ATRX: variants seen among roughly 807,000 people sequenced by gnomAD.
ATRX encodes the protein ATRX chromatin remodeler.
A neutral mutation model predicts 172.6 loss-of-function variants in ATRX; 12 were observed. The observed-to-expected ratio is 0.07, with a 90% confidence interval of 0.04 to 0.11. The LOEUF (loss-of-function observed/expected upper bound fraction) is 0.11. ATRX is among the 10% of genes least tolerant of loss of function. The pLI, the probability that ATRX is intolerant of heterozygous loss-of-function variation, is 1.00. For missense variants in ATRX, 1,368 were observed against 1,767.4 expected, an observed-to-expected ratio of 0.77 and a Z score of 4.05; for synonymous variants, 674 against 594.7, an observed-to-expected ratio of 1.13 and a Z score of -1.94.
At chrX:77,608,627 T>A (rs958446396) in intron 22 of ATRX, among the ~76,000 whole-genome samples, 1 of 111,589 alleles carries the variant, frequency 9.0e-6, no homozygotes, top group South Asian at 3.7e-4. Context: ...CCTTAAACTA[T>A]GGAATTACTA....
chrX:77,663,482 A>G lies in ATRX; in HGVS notation c.4020T>C (p.Leu1340=). 8.3e-7 allele frequency: 1 copy of G among 1,211,207 alleles called. No homozygotes were observed. The highest frequency in any genetic ancestry group is 1.1e-6 in the Non-Finnish European group (1 of 894,983). ...CACTCACAGTCAATTTGTGCCGCAA[A>G]AGCCTATGTCTGTATCTTGGCTTCT... ...ESKKPRYRHR[L]LRHKLTVSDG... The change falls in exon 12 of 35, where the codon CTT becomes CTC. Residue 1340 remains leucine (L), a synonymous_variant. Transcript: ENST00000373344.
At chrX:77,619,382 A>C (rs1259820645) in intron 20 of ATRX, among the ~76,000 whole-genome samples, 2 of 111,648 alleles carry the variant, frequency 1.8e-5, no homozygotes, top group African/African-American at 6.5e-5. Flanking sequence ...GGAGGTAATA[A>C]GCTACTAAGC....
intron 25 of ATRX, among the ~76,000 whole-genome samples, chrX:77,597,337 G>C (rs369190789): frequency 2.5e-4 from 28 of 109,805 alleles, no homozygotes; most frequent in African/African-American, 8.6e-4. Context: ...AGAAATCACC[G>C]AGTCAGAAAG....
At chrX:77,678,827 T>C (rs1334772977) in intron 9 of ATRX, among the ~76,000 whole-genome samples, 1 of 110,986 alleles carries the variant, frequency 9.0e-6, no homozygotes, top group Non-Finnish European at 1.9e-5. Context: ...TCTATGTCTG[T>C]CTTGCATTAA....
chrX:77,682,565 T>G lies in ATRX; in HGVS notation c.2691A>C (p.Lys897Asn), dbSNP rs1557139064. ...CTCTTAATTCCATGATGGTCGTGTCTTTATCAACTGTGCCTTCTGCTGAAG... is the reference window on the plus strand; with the variant it reads ...CTCTTAATTCCATGATGGTCGTGTCGTTATCAACTGTGCCTTCTGCTGAAG... ...TFSSAEGTVD[K>N]DTTIMELRDR... Residue 897 changes from lysine to asparagine, a missense_variant, in exon 9 of 35, where the codon AAA (lysine) becomes AAC (asparagine). Around this residue, in one of 17 missense-constraint regions of ATRX, gnomAD observed 843 missense variants for 643.1 expected, o/e 1.31. Transcript: ENST00000373344. 2 of 1,209,570 alleles carry G rather than the reference T, an allele frequency of 1.7e-6. No individual in the cohort carries two copies. The highest frequency in any genetic ancestry group is 2.2e-5 in the Admixed American group (1 of 45,724).
At chrX:77,750,040 A>G (rs1483129044) in intron 1 of ATRX, among the ~76,000 whole-genome samples, 2 of 111,688 alleles carry the variant, frequency 1.8e-5, no homozygotes, top group Non-Finnish European at 3.8e-5. Flanking sequence ...ATCACATCAC[A>G]TAAGCATTTT....
intron 15 of ATRX, among the ~76,000 whole-genome samples, chrX:77,648,809 A>G (rs2069058466): frequency 9.0e-6 from 1 of 111,562 alleles, no homozygotes; most frequent in Non-Finnish European, 1.9e-5. Context: ...AAATTCCTTA[A>G]GTTTGAAATT....
intron 27 of ATRX, among the ~76,000 whole-genome samples, chrX:77,583,800 T>C (rs1380071670): frequency 9.0e-6 from 1 of 111,256 alleles, no homozygotes; most frequent in Non-Finnish European, 1.9e-5. Context: ...CTAGAGTAAT[T>C]AGACAAGAAC....
chrX:77,642,879 T>C (rs2068723408), intron 15 of ATRX, among the ~76,000 whole-genome samples: 1 of 110,975 alleles, frequency 9.0e-6, no homozygotes, highest in South Asian at 3.8e-4. Context: ...CCGCCTGTAG[T>C]ACAAACAACT....
chrX:77,587,598 AGGT>A (rs1375824535), intron 27 of ATRX, among the ~76,000 whole-genome samples: 5 of 111,954 alleles, frequency 4.5e-5, no homozygotes, highest in Non-Finnish European at 9.4e-5. Context: ...ATTGTACTTG[AGGT>A]CTTAACCAGG....
chrX:77,507,152 TTTTGA>T lies in ATRX; in HGVS notation c.*1194_*1198del. The T allele has an allele frequency of 5.8e-6, 1 of 172,932 alleles. No homozygotes were observed. The highest frequency in any genetic ancestry group is 1.1e-5 in the Non-Finnish European group (1 of 90,402). 14.3% of individuals were successfully genotyped at this position (172,932 alleles called of 1,213,427 possible). A position where few individuals can be genotyped will look rare whatever the true frequency, so the allele number is the denominator to read the frequency against. ...AGTAAAGGGGTATTGGATGAATTAA[TTTTGA>T]TTTAATAATTGCCTCACAATCTAAA... On this transcript the variant is annotated 3_prime_UTR_variant, in exon 35 of 35. Coordinates refer to ENST00000373344, the MANE Select transcript of ATRX (RefSeq NM_000489.6).
At chrX:77,550,221 T>C (rs1382593826) in intron 30 of ATRX, among the ~76,000 whole-genome samples, 3 of 111,401 alleles carry the variant, frequency 2.7e-5, no homozygotes, top group Non-Finnish European at 5.6e-5. Context: ...TAAAGACAAC[T>C]AGAATTTCAA....
intron 2 of ATRX, among the ~76,000 whole-genome samples, chrX:77,712,203 A>C (rs2073144827): frequency 8.9e-6 from 1 of 112,253 alleles, no homozygotes; most frequent in Non-Finnish European, 1.9e-5. Flanking sequence ...AAAAGGATTA[A>C]CAATGGGGAA....
At chrX:77,566,177 C>A (rs782309706) in intron 28 of ATRX, among the ~76,000 whole-genome samples, 41 of 111,597 alleles carry the variant, frequency 3.7e-4, no homozygotes, top group African/African-American at 1.3e-3. Flanking sequence ...GAATGAACCA[C>A]AAACAGGATA....
chrX:77,677,918 T>C (rs1030694142), intron 9 of ATRX, among the ~76,000 whole-genome samples: 3 of 110,814 alleles, frequency 2.7e-5, no homozygotes, highest in Non-Finnish European at 5.7e-5. Flanking sequence ...AGAAATACAC[T>C]AAATAAGGCC....
chrX:77,750,691 CCT>C (rs782641607), intron 1 of ATRX, among the ~76,000 whole-genome samples: 8 of 109,024 alleles, frequency 7.3e-5, no homozygotes, highest in Middle Eastern at 4.7e-3. Context: ...CCCCCCAACC[CCT>C]GACAGGCCCC....
At chrX:77,581,203 G>A (rs1422514669) in intron 27 of ATRX, among the ~76,000 whole-genome samples, 1 of 111,409 alleles carries the variant, frequency 9.0e-6, no homozygotes, top group Non-Finnish European at 1.9e-5. Context: ...AATGGCAGGA[G>A]TAGGTCCCTA....
At position 77,671,170 on chromosome X, in the gene ATRX, ATATAT is replaced by A. The variant is rs2070580227; in HGVS notation, c.3809+5051_3809+5055del. On this transcript the variant is annotated intron_variant, in intron 10 of 34. Coordinates refer to ENST00000373344, the MANE Select transcript of ATRX (RefSeq NM_000489.6). ...CTCAAAAAAAAAAAAAAAAAAAAAT[ATATAT>A]ATATATATATATATATATATAAAAC... Among the ~76,000 whole-genome samples the A allele has an allele frequency of 9.9e-5, 5 of 50,487 alleles. 1 individual carries two copies. Among genetic ancestry groups the A allele is most frequent in the African/African-American group, 3.8e-4 (4 of 10,607 alleles). The allele number at this position is 50,487 out of a possible 115,157, so 43.8% of individuals were successfully genotyped here. A position where few individuals can be genotyped will look rare whatever the true frequency, so the allele number is the denominator to read the frequency against.
At chrX:77,760,706 T>C (rs1253867493) in intron 1 of ATRX, among the ~76,000 whole-genome samples, 3 of 111,880 alleles carry the variant, frequency 2.7e-5, no homozygotes, top group Non-Finnish European at 5.6e-5. Flanking sequence ...AAATAACCCA[T>C]GAGGCTTCAA....
Sources: gnomAD v4.1 joint callset for allele counts (sites outside exome capture counted in the v4.1 genomes callset) on GRCh38, gnomAD v4.1.1 for gene constraint, gnomAD v4.1.1 regional missense constraint, MANE v1.5 for transcripts, NCBI Gene and HGNC (gene_info 2026-07-23, HGNC 2026-07-21) for gene names.